The following SIN3A variants were observed in gnomAD, a reference collection of about 807,000 sequenced individuals.
SIN3A encodes the protein SIN3 transcription regulator family member A.
Under a neutral mutation model 146.1 loss-of-function variants are expected in SIN3A, and 14 were observed. That is an observed-to-expected ratio of 0.10 (90% CI 0.06 to 0.15). The LOEUF (loss-of-function observed/expected upper bound fraction) is 0.15. Ranked by LOEUF, SIN3A falls within the 10% of genes least tolerant of loss-of-function variation. The probability of loss-of-function intolerance (pLI) is 1.00; values close to 1 mark genes in which losing one functional copy is unlikely to be tolerated. For synonymous variants in SIN3A, 572 were observed against 572.0 expected (o/e 1.00, Z 0.00); for missense variants, 1,028 against 1,576.0 (o/e 0.65, Z 5.89).
intron 15 of SIN3A, 69 bp from the exon 16 acceptor site, chr15:75,389,890 A>T: frequency 2.0e-6 from 3 of 1,472,208 alleles, no homozygotes; most frequent in Non-Finnish European, 1.9e-6. Context: ...GTACAGGGCA[A>T]ATCCCACAGC....
At chr15:75,439,289 C>T (rs561404983) in intron 1 of SIN3A, among the ~76,000 whole-genome samples, 16 of 152,130 alleles carry the variant, frequency 1.1e-4, no homozygotes, top group Non-Finnish European at 1.9e-4. Flanking sequence ...AAAATGTCAA[C>T]AGTGTGTGAA....
intron 1 of SIN3A, among the ~76,000 whole-genome samples, chr15:75,432,949 G>C (rs932446191): frequency 6.6e-6 from 1 of 152,032 alleles, no homozygotes; most frequent in Admixed American, 6.6e-5. Flanking sequence ...CGCTGAGACG[G>C]GAGAATCGCT....
chr15:75,417,791 A>C (rs1035983233), intron 3 of SIN3A, among the ~76,000 whole-genome samples: 2 of 152,166 alleles, frequency 1.3e-5, no homozygotes, highest in Non-Finnish European at 2.9e-5. Flanking sequence ...ATCGAAACTT[A>C]ATCACCGATA....
intron 19 of SIN3A, 138 bp from the exon 20 acceptor site, chr15:75,376,010 G>A (rs1364232609): frequency 2.4e-6 from 2 of 829,522 alleles, no homozygotes; most frequent in East Asian, 2.5e-5. Context: ...ATGTTCAGTT[G>A]TTTCACTGCA....
intron 10 of SIN3A, 25 bp from the exon 11 acceptor site, chr15:75,400,965 C>A: frequency 2.6e-6 from 4 of 1,558,836 alleles, no homozygotes; most frequent in Non-Finnish European, 3.5e-6. Flanking sequence ...CAAAAAGTGA[C>A]AAGCAATTAG....
chr15:75,450,693 C>T (rs1355519947), intron 1 of SIN3A, among the ~76,000 whole-genome samples: 2 of 152,206 alleles, frequency 1.3e-5, no homozygotes, highest in Admixed American at 6.5e-5. Context: ...AGGCAGAAGG[C>T]ATGACCCAGC....
intron 8 of SIN3A, 40 bp downstream of exon 8, chr15:75,409,796 C>T (rs373453071): frequency 2.2e-5 from 35 of 1,601,718 alleles, no homozygotes; most frequent in Admixed American, 5.1e-5. Flanking sequence ...ATTAGAAATA[C>T]TTGTGAGTGT....
intron 18 of SIN3A, among the ~76,000 whole-genome samples, chr15:75,381,271 C>A (rs907715360): frequency 1.3e-5 from 2 of 151,924 alleles, no homozygotes; most frequent in African/African-American, 4.8e-5. Context: ...CTTTATCAGT[C>A]CAATAAAAAG....
At chr15:75,443,883 C>T (rs1319966360) in intron 1 of SIN3A, among the ~76,000 whole-genome samples, 1 of 152,182 alleles carries the variant, frequency 6.6e-6, no homozygotes, top group Non-Finnish European at 1.5e-5. Context: ...TGCCCTTCGG[C>T]CTGGGCAACA....
Position 75,392,562 on chromosome 15 carries a change from A to G in SIN3A, c.2531T>C (p.Val844Ala). The change falls in exon 15 of 21, where the codon GTA (valine) becomes GCA (alanine). Residue 844 changes from valine to alanine, a missense_variant. Coordinates refer to ENST00000394947, the MANE Select transcript of SIN3A (RefSeq NM_001145358.2). ...CTTAACTGCCCCTGTGGCTTCATCT[A>G]CATCCATCTCTTCTTCTTCCTCTTC... ...VEEEEEEEMD[V>A]DEATGAVKKH... is the part of the protein sequence containing the mutation. 1 of 1,614,086 alleles carries G rather than the reference A, an allele frequency of 6.2e-7. No individual in the cohort carries two copies. The highest frequency in any genetic ancestry group is 8.5e-7 in the Non-Finnish European group (1 of 1,180,020).
chr15:75,430,457 T>C (rs1418339719), intron 1 of SIN3A, 49 bp from the exon 2 acceptor site: 10 of 1,404,832 alleles, frequency 7.1e-6, no homozygotes, highest in East Asian at 2.4e-5. Context: ...CACTCCAGTA[T>C]GATGTACGCC....
At chr15:75,455,401 TA>T (rs975253456), upstream of SIN3A, among the ~76,000 whole-genome samples, 4 of 152,124 alleles carry the variant, frequency 2.6e-5, no homozygotes, top group Non-Finnish European at 4.4e-5. Context: ...TTTTTCTTTT[TA>T]AAAAAACGGC....
At chr15:75,454,608 C>G (rs2074461888), upstream of SIN3A, among the ~76,000 whole-genome samples, 1 of 151,796 alleles carries the variant, frequency 6.6e-6, no homozygotes, top group African/African-American at 2.4e-5. Context: ...CGATTCCGAG[C>G]GTGGAGACTG....
intron 8 of SIN3A, among the ~76,000 whole-genome samples, chr15:75,407,792 C>G (rs1350337262): frequency 7.0e-6 from 1 of 143,614 alleles, no homozygotes; most frequent in African/African-American, 2.6e-5. Flanking sequence ...ACTCAGGAGG[C>G]TGAGACAGAA....
chr15:75,392,457 A>C lies in SIN3A; in HGVS notation c.2636T>G (p.Met879Arg). The C allele has an allele frequency of 6.2e-7, 1 of 1,614,120 alleles. No individual in the cohort carries two copies. The highest frequency in any genetic ancestry group is 1.1e-5 in the South Asian group (1 of 91,088). ...ATAGAAGAGGTTGTATACTTCATCC[A>C]TTCCTCTTAATTTTTGAGCTGCTGT... ...SNTAAQKLRG[M>R]DEVYNLFYVN... The change falls in exon 15 of 21, where the codon ATG becomes AGG. Residue 879 changes from methionine (M) to arginine (R), a missense_variant. Around this residue, in one of 9 missense-constraint regions of SIN3A, gnomAD observed 488 missense variants for 690.2 expected, o/e 0.71. Coordinates refer to ENST00000394947, the MANE Select transcript of SIN3A (RefSeq NM_001145358.2).
chr15:75,396,061 C>A (rs549559682), intron 13 of SIN3A, among the ~76,000 whole-genome samples, 197 bp downstream of exon 13: 3 of 152,134 alleles, frequency 2.0e-5, no homozygotes, highest in Non-Finnish European at 4.4e-5. Context: ...CATGAACTTA[C>A]AAGATTTGTT....
intron 3 of SIN3A, 111 bp from the exon 4 acceptor site, chr15:75,414,422 G>A (rs1431102451): frequency 2.5e-5 from 11 of 435,024 alleles, no homozygotes; most frequent in Admixed American, 8.5e-5. Context: ...AGTAAATGAA[G>A]TAAAAATATA....
At chr15:75,389,303 G>GA (rs11300642) in intron 16 of SIN3A, among the ~76,000 whole-genome samples, 1,745 of 144,656 alleles carry the variant, frequency 0.012, 17 homozygotes, top group Non-Finnish European at 0.019. Flanking sequence ...TCTATTTAAG[G>GA]AAAAAAAAAA....
rs559621853 is a variant in SIN3A at position 75,409,288 on chromosome 15, A to G, written c.1317+548T>C. ...ATTAAAGAAATGACAGCTCATTGCA[A>G]AGGAGAGATAATAAAGAACTCAGAA... On this transcript the variant is annotated intron_variant, in intron 8 of 20. Coordinates refer to ENST00000394947, the MANE Select transcript of SIN3A (RefSeq NM_001145358.2). Among the ~76,000 whole-genome samples the G allele has an allele frequency of 1.6e-4, 24 of 152,320 alleles. No individual in the cohort carries two copies. The South Asian group carries it at 3.5e-3, about 22-fold the overall frequency.
Sources: gnomAD v4.1 joint callset for allele counts (sites outside exome capture counted in the v4.1 genomes callset) on GRCh38, gnomAD v4.1.1 for gene constraint, gnomAD v4.1.1 regional missense constraint, MANE v1.5 for transcripts, NCBI Gene and HGNC (gene_info 2026-07-23, HGNC 2026-07-21) for gene names.